The following ADIPOR2 variants were observed in gnomAD, a reference collection of about 807,000 sequenced individuals.
ADIPOR2 encodes adiponectin receptor 2.
In ADIPOR2, 18 loss-of-function variants were observed where a neutral mutation model predicts 40.9. The observed-to-expected ratio is 0.44, with a 90% CI of 0.30 to 0.65. ADIPOR2 has a LOEUF of 0.65. Ranked by LOEUF, ADIPOR2 falls within the 30% of genes least tolerant of loss-of-function variation. ADIPOR2 has a pLI of 0.09. For missense variants in ADIPOR2, 283 were observed against 479.2 expected, an observed-to-expected ratio of 0.59 and a Z score of 3.82; for synonymous variants, 165 against 166.4, an observed-to-expected ratio of 0.99 and a Z score of 0.06.
chr12:1,769,529 T>A (rs1862453202), intron 2 of ADIPOR2, among the ~76,000 whole-genome samples: 2 of 152,274 alleles, frequency 1.3e-5, no homozygotes, highest in African/African-American at 4.8e-5. Context: ...GATTTATTAA[T>A]ACTTTGCCCT....
chr12:1,705,431 T>C (rs956118542), intron 1 of ADIPOR2, among the ~76,000 whole-genome samples: 33 of 152,208 alleles, frequency 2.2e-4, no homozygotes, highest in Non-Finnish European at 4.0e-4. Context: ...CTGAAACTAT[T>C]CGACGCCACA....
At chr12:1,781,577 G>A (rs1364505739) in intron 6 of ADIPOR2, among the ~76,000 whole-genome samples, 1 of 152,142 alleles carries the variant, frequency 6.6e-6, no homozygotes, top group Non-Finnish European at 1.5e-5. Flanking sequence ...TAGGGATAAA[G>A]GGGCTTTTTA....
chr12:1,754,521 CA>C lies in ADIPOR2; in HGVS notation c.171+10del, dbSNP rs1188290144. ...ATCTTCCCATCATAAAAAAGTAAGT[CA>C]AATTGGAAGAATGATAAACAAAGGA... is the stretch of plus-strand genomic sequence containing the variant. On this transcript the variant is annotated splice_region_variant and intron_variant, in intron 2 of 7. Coordinates refer to ENST00000357103, the MANE Select transcript of ADIPOR2 (RefSeq NM_024551.3). The C allele has an allele frequency of 1.3e-6, 2 of 1,590,898 alleles. No homozygotes were observed. Among genetic ancestry groups the C allele is most frequent in the Non-Finnish European group, 1.7e-6 (2 of 1,169,768 alleles).
At chr12:1,706,492 ATTAC>A (rs1555165951) in intron 1 of ADIPOR2, among the ~76,000 whole-genome samples, 1 of 152,224 alleles carries the variant, frequency 6.6e-6, no homozygotes, top group Non-Finnish European at 1.5e-5. Flanking sequence ...GGAGGCTACT[ATTAC>A]TTGGCTAAAA....
At chr12:1,777,512 G>A (rs751070882) in intron 3 of ADIPOR2, among the ~76,000 whole-genome samples, 3 of 148,388 alleles carry the variant, frequency 2.0e-5, no homozygotes, top group Non-Finnish European at 3.0e-5. Context: ...TCAGCCTCCC[G>A]AGTAGGTGGG....
chr12:1,704,049 C>T, intron 1 of ADIPOR2, among the ~76,000 whole-genome samples: 1 of 119,676 alleles, frequency 8.4e-6, no homozygotes, highest in Non-Finnish European at 1.7e-5. Flanking sequence ...CTTGGTTCTA[C>T]CTGGAATTTT....
chr12:1,771,633 A>G (rs562701780), intron 2 of ADIPOR2, among the ~76,000 whole-genome samples: 1 of 152,348 alleles, frequency 6.6e-6, no homozygotes, highest in South Asian at 2.1e-4. Context: ...ATGCCGCATC[A>G]TAGCCTCTAG....
chr12:1,704,926 A>G (rs1164657158), intron 1 of ADIPOR2, among the ~76,000 whole-genome samples: 2 of 152,202 alleles, frequency 1.3e-5, no homozygotes, highest in Non-Finnish European at 2.9e-5. Context: ...TTGTAGATAC[A>G]AGTTTATTTT....
chr12:1,758,104 T>C, intron 2 of ADIPOR2: 3 of 556,434 alleles, frequency 5.4e-6, no homozygotes, highest in Non-Finnish European at 9.7e-6. Context: ...TAATTGATTT[T>C]TTTATGTGTT....
chr12:1,695,100 C>T (rs2094635594), intron 1 of ADIPOR2, among the ~76,000 whole-genome samples: 1 of 150,950 alleles, frequency 6.6e-6, no homozygotes, highest in Non-Finnish European at 1.5e-5. Flanking sequence ...TCTGCAGCCT[C>T]GACCTCCCGG....
At chr12:1,732,844 TTA>T (rs1350972228) in intron 1 of ADIPOR2, among the ~76,000 whole-genome samples, 1 of 152,228 alleles carries the variant, frequency 6.6e-6, no homozygotes, top group African/African-American at 2.4e-5. Context: ...ATTATGTACT[TTA>T]TTTTTCTGTT....
chr12:1,734,756 A>G (rs1478069862), intron 1 of ADIPOR2, among the ~76,000 whole-genome samples: 1 of 152,146 alleles, frequency 6.6e-6, no homozygotes. Flanking sequence ...TAAGTCTTTA[A>G]TCCATCTTGA....
At chr12:1,744,388 G>A (rs1177804827) in intron 1 of ADIPOR2, among the ~76,000 whole-genome samples, 1 of 152,200 alleles carries the variant, frequency 6.6e-6, no homozygotes, top group African/African-American at 2.4e-5. Context: ...GCAGGTGTGA[G>A]CCACCACGTC....
chr12:1,712,082 A>T (rs1476238262), intron 1 of ADIPOR2, among the ~76,000 whole-genome samples: 1 of 152,100 alleles, frequency 6.6e-6, no homozygotes, highest in Non-Finnish European at 1.5e-5. Context: ...ATCACTAACT[A>T]TGGCATAACC....
intron 2 of ADIPOR2, among the ~76,000 whole-genome samples, chr12:1,769,849 A>G (rs1418199032): frequency 6.6e-6 from 1 of 151,936 alleles, no homozygotes; most frequent in Non-Finnish European, 1.5e-5. Flanking sequence ...GCCGGAAATA[A>G]TTCTTTTATA....
intron 7 of ADIPOR2, among the ~76,000 whole-genome samples, chr12:1,785,531 C>T (rs960665787): frequency 1.3e-5 from 2 of 152,220 alleles, no homozygotes; most frequent in Admixed American, 6.5e-5. Flanking sequence ...TGTCCATCAG[C>T]AGTGAGTAGG....
intron 1 of ADIPOR2, among the ~76,000 whole-genome samples, chr12:1,743,854 A>G (rs1292282597): frequency 6.6e-6 from 1 of 152,138 alleles, no homozygotes; most frequent in Non-Finnish European, 1.5e-5. Flanking sequence ...AAGGAGATAA[A>G]ATAATTTAAC....
intron 1 of ADIPOR2, among the ~76,000 whole-genome samples, chr12:1,735,472 C>T (rs1310150489): frequency 1.3e-5 from 2 of 152,124 alleles, no homozygotes; most frequent in Non-Finnish European, 2.9e-5. Flanking sequence ...CTGAAGTTGC[C>T]TATCAGCTTA....
intron 1 of ADIPOR2, chr12:1,697,642 TAA>T (rs974130597): frequency 6.6e-6 from 1 of 152,388 alleles, no homozygotes; most frequent in Non-Finnish European, 1.5e-5. Flanking sequence ...CATGAGTATG[TAA>T]AGTCTCAAAA....
Sources: allele counts gnomAD v4.1 joint callset (sites outside exome capture counted in the v4.1 genomes callset), GRCh38; gene constraint gnomAD v4.1.1; transcripts MANE v1.5; gene names NCBI Gene and HGNC (gene_info 2026-07-23, HGNC 2026-07-21).